MBOAT1: variants seen among roughly 807,000 people sequenced by gnomAD.
MBOAT1 encodes the protein membrane bound glycerophospholipid O-acyltransferase 1, also known as membrane-bound glycerophospholipid O-acyltransferase 1.
MBOAT1 carries 67 observed loss-of-function variants against 64.4 expected under a neutral mutation model. That is an observed-to-expected ratio of 1.04 (90% confidence interval 0.85 to 1.27). MBOAT1 has a LOEUF of 1.27. Among genes scored for constraint, MBOAT1 ranks in the 50% most tolerant of loss-of-function variants. MBOAT1 has a pLI of 0.00. For synonymous variants in MBOAT1, 229 were observed against 218.9 expected, an observed-to-expected ratio of 1.05 and a Z score of -0.41; for missense variants, 563 against 604.6, an observed-to-expected ratio of 0.93 and a Z score of 0.72.
intron 1 of MBOAT1, among the ~76,000 whole-genome samples, chr6:20,184,415 TTATC>T (rs1441749806): frequency 6.6e-6 from 1 of 151,894 alleles, no homozygotes; most frequent in Non-Finnish European, 1.5e-5. Flanking sequence ...CAGTGGGTGA[TTATC>T]TAGTGTAGCC....
At chr6:20,183,289 A>C (rs570717454) in intron 1 of MBOAT1, among the ~76,000 whole-genome samples, 103 of 152,338 alleles carry the variant, frequency 6.8e-4, no homozygotes, top group Admixed American at 1.1e-3. Context: ...CAAACCAAAA[A>C]ATAAGTTTAC....
At chr6:20,143,499 G>A (rs1034048914) in intron 4 of MBOAT1, among the ~76,000 whole-genome samples, 6 of 152,148 alleles carry the variant, frequency 3.9e-5, no homozygotes, top group East Asian at 1.9e-4. Flanking sequence ...ATTAACTAGC[G>A]AGAGATGAAA....
chr6:20,118,462 G>A lies in MBOAT1; in HGVS notation c.986C>T (p.Ser329Leu), dbSNP rs553353326. The A allele has an allele frequency of 1.8e-5, 29 of 1,613,928 alleles. No individual in the cohort carries two copies. The highest frequency in any genetic ancestry group is 1.8e-4 in the East Asian group (8 of 44,874). Reference sequence around the variant, plus strand: ...CTCAATTTTCCAGATGTTTAGGTTCGAAAGCAGATCCCAACAGAAATTCCC... The same window carrying A: ...CTCAATTTTCCAGATGTTTAGGTTCAAAAGCAGATCCCAACAGAAATTCCC... ...KNGNFCWDLLSNLNIWKIETA... is the reference protein window; with the variant it reads ...KNGNFCWDLLLNLNIWKIETA... The change falls in exon 9 of 13, where the codon TCG (serine) becomes TTG (leucine). Residue 329 changes from serine (S) to leucine (L), a missense_variant. Physicochemically the swap from Ser to Leu is moderately radical, Grantham distance 145. Transcript: ENST00000324607.
At chr6:20,111,875 T>TACATATATATAC (rs1581396131) in intron 11 of MBOAT1, among the ~76,000 whole-genome samples, 1 of 139,340 alleles carries the variant, frequency 7.2e-6, no homozygotes, top group Non-Finnish European at 1.5e-5. Flanking sequence ...TATACATATA[T>TACATATATATAC]ATATGTATAT....
chr6:20,143,676 C>T lies in MBOAT1; in HGVS notation c.419+544G>A, dbSNP rs561242437. Reference sequence around the variant, plus strand: ...GGTACTAGGCTTAATACCTGGGTGACGAAATAATCTGTACAACAAACTCCC... The same window carrying T: ...GGTACTAGGCTTAATACCTGGGTGATGAAATAATCTGTACAACAAACTCCC... On this transcript the variant is annotated intron_variant, in intron 4 of 12. Transcript: ENST00000324607. 1.6e-4 allele frequency among the ~76,000 whole-genome samples: 24 copies of T among 152,050 alleles called. No homozygotes were observed. The South Asian group carries it at 2.3e-3, about 14-fold the overall frequency.
chr6:20,200,294 T>G (rs1037658000), intron 1 of MBOAT1, among the ~76,000 whole-genome samples: 26 of 152,226 alleles, frequency 1.7e-4, no homozygotes, highest in African/African-American at 5.3e-4. Context: ...AGGTACGATC[T>G]TTTTAGCTAA....
intron 1 of MBOAT1, among the ~76,000 whole-genome samples, chr6:20,176,240 C>T (rs1195077868): frequency 1.3e-5 from 2 of 151,838 alleles, no homozygotes; most frequent in Non-Finnish European, 1.5e-5. Flanking sequence ...GCTGTGATTG[C>T]ACCACCGCAG....
intron 8 of MBOAT1, among the ~76,000 whole-genome samples, chr6:20,123,873 T>G (rs574781351): frequency 3.9e-4 from 60 of 152,048 alleles, no homozygotes; most frequent in Non-Finnish European, 5.7e-4. Context: ...TGGCTAACAC[T>G]GTGAAACCCC....
chr6:20,211,996 ACACACAC>A (rs1200778706), intron 1 of MBOAT1, 133 bp downstream of exon 1: 7 of 675,710 alleles, frequency 1.0e-5, no homozygotes, highest in African/African-American at 5.4e-5. Flanking sequence ...ACACACACAC[ACACACAC>A]AAAAACCAAC....
rs1759823686 is a variant in MBOAT1 at position 20,102,293 on chromosome 6, G to A, written c.1481C>T (p.Thr494Ile). 2 of 1,613,148 alleles carry A rather than the reference G, an allele frequency of 1.2e-6. No homozygotes were observed. Among genetic ancestry groups the A allele is most frequent in the Non-Finnish European group, 1.7e-6 (2 of 1,179,710 alleles). The part of the protein sequence containing the change: ...QTLNSINKRK[T>I]D ...CCGCTTCTCTTGGAGGTATCAATCT[G>A]TTTTTCTCTTATTAATAGAGTTCAG... The change falls in exon 13 of 13, where the codon ACA becomes ATA. Residue 494 changes from threonine (T) to isoleucine (I), a missense_variant. By Grantham distance (89) the Thr-to-Ile change is moderately conservative. Transcript: ENST00000324607.
At position 20,190,746 on chromosome 6, in the gene MBOAT1, G is replaced by A. The variant is rs571411198; in HGVS notation, c.99+21390C>T. On this transcript the variant is annotated intron_variant, in intron 1 of 12. Coordinates refer to ENST00000324607, the MANE Select transcript of MBOAT1 (RefSeq NM_001080480.3). Reference sequence around the variant, plus strand: ...GTCAATTAATACTAAAACAAGAATCGTAGACGATTCTGGATAAAAAGCAGA... The same window carrying A: ...GTCAATTAATACTAAAACAAGAATCATAGACGATTCTGGATAAAAAGCAGA... Among the ~76,000 whole-genome samples, 8 of 151,670 alleles carry A rather than the reference G, an allele frequency of 5.3e-5. No individual in the cohort carries two copies. In the South Asian group the frequency reaches 6.2e-4, roughly 12 times the overall value.
rs774541134 is a variant in MBOAT1 at position 20,118,477 on chromosome 6, C to T, written c.971G>A (p.Cys324Tyr). 5.0e-6 allele frequency: 8 copies of T among 1,614,080 alleles called. No individual in the cohort carries two copies. The highest frequency in any genetic ancestry group is 6.8e-6 in the Non-Finnish European group (8 of 1,180,020). ...GTTTAGGTTCGAAAGCAGATCCCAA[C>T]AGAAATTCCCATTCTTATCCACTCC... ...FSGVDKNGNF[C>Y]WDLLSNLNIW... is the part of the protein sequence containing the mutation. Residue 324 changes from cysteine to tyrosine, a missense_variant, in exon 9 of 13, where the codon TGT becomes TAT. Physicochemically the swap from Cys to Tyr is radical, Grantham distance 194 (BLOSUM62 -2). Coordinates refer to ENST00000324607, the MANE Select transcript of MBOAT1 (RefSeq NM_001080480.3).
intron 1 of MBOAT1, among the ~76,000 whole-genome samples, chr6:20,202,294 TTCAAATGTACCCTTGCTCTTC>T (rs1472989940): frequency 6.6e-6 from 1 of 152,234 alleles, no homozygotes; most frequent in Non-Finnish European, 1.5e-5. Flanking sequence ...ACACAAACTT[TTCAAATGTACCCTTGCTCTTC>T]TCCAAATTAC....
At chr6:20,198,663 T>C (rs1454631678) in intron 1 of MBOAT1, among the ~76,000 whole-genome samples, 2 of 152,230 alleles carry the variant, frequency 1.3e-5, no homozygotes, top group African/African-American at 2.4e-5. Context: ...CTAGAAACTT[T>C]GCAGCAGGGA....
chr6:20,123,884 A>C (rs2457328), intron 8 of MBOAT1, among the ~76,000 whole-genome samples: 1 of 151,806 alleles, frequency 6.6e-6, no homozygotes, highest in South Asian at 2.1e-4. Context: ...GTGAAACCCC[A>C]TCTCTACTAA....
At chr6:20,118,148 G>C (rs1760382856) in intron 9 of MBOAT1, among the ~76,000 whole-genome samples, 1 of 152,048 alleles carries the variant, frequency 6.6e-6, no homozygotes, top group African/African-American at 2.4e-5. Context: ...CTAGTTGAAA[G>C]AGCAGAAATG....
At chr6:20,189,590 T>G (rs892353223) in intron 1 of MBOAT1, among the ~76,000 whole-genome samples, 5 of 152,308 alleles carry the variant, frequency 3.3e-5, no homozygotes, top group African/African-American at 7.2e-5. Context: ...ATACAACACA[T>G]TATTATTTTA....
intron 1 of MBOAT1, among the ~76,000 whole-genome samples, chr6:20,194,138 G>A (rs1238731264): frequency 2.7e-5 from 4 of 150,544 alleles, no homozygotes; most frequent in Non-Finnish European, 4.4e-5. Context: ...AAAAAAGCAC[G>A]CATTTTTAAA....
chr6:20,207,551 C>T (rs9350222), intron 1 of MBOAT1, among the ~76,000 whole-genome samples: 101,841 of 151,988 alleles, frequency 0.67, 36,395 homozygotes, highest in East Asian at 0.89. Context: ...GCTACAAATG[C>T]ATTTTACATT....
Sources: gnomAD v4.1 joint callset for allele counts (sites outside exome capture counted in the v4.1 genomes callset) on GRCh38, gnomAD v4.1.1 for gene constraint, MANE v1.5 for transcripts, NCBI Gene and HGNC (gene_info 2026-07-23, HGNC 2026-07-21) for gene names.